RBM20: variants seen among roughly 807,000 people sequenced by gnomAD.
RBM20 encodes the protein RNA-binding protein 20.
Under a neutral mutation model 110.1 loss-of-function variants are expected in RBM20, and 51 were observed. The ratio of observed to expected loss-of-function variants is 0.46; its 90% confidence interval spans 0.37 to 0.59. The LOEUF is 0.59. RBM20 is among the 20% of genes least tolerant of loss of function. The pLI, the probability that RBM20 is intolerant of heterozygous loss-of-function variation, is 0.00. For synonymous variants in RBM20, 589 were observed against 618.2 expected, an observed-to-expected ratio of 0.95 and a Z score of 0.70; for missense variants, 1,512 against 1,574.9, an observed-to-expected ratio of 0.96 and a Z score of 0.68.
chr10:110,709,363 C>T (rs1276123837), intron 1 of RBM20, among the ~76,000 whole-genome samples: 1 of 152,114 alleles, frequency 6.6e-6, no homozygotes, highest in Non-Finnish European at 1.5e-5. Flanking sequence ...CGCAGGCATG[C>T]TGGGAACACT....
In RBM20 at chr10:110,831,674, A is replaced by AC. The variant is rs1163885615; in HGVS notation, c.3573+492_3573+493insC. ...ATCCCTGCTTGCTAGAATAAAAAAA[A>AC]AAAAAAAAAAAAAAAAACACTGCTT... On this transcript the variant is annotated intron_variant, in intron 13 of 13. Transcript: ENST00000369519. Among the ~76,000 whole-genome samples the AC allele has an allele frequency of 1.4e-3, 190 of 138,626 alleles. 2 individuals carry two copies. The highest frequency in any genetic ancestry group is 4.5e-3 in the African/African-American group (175 of 39,254). 90.9% of individuals were successfully genotyped at this position (138,626 alleles called of 152,430 possible).
intron 1 of RBM20, among the ~76,000 whole-genome samples, chr10:110,737,188 A>AAAAAAAAAAAAAAAAAAAAAAAAAC: frequency 7.1e-6 from 1 of 141,074 alleles, no homozygotes; most frequent in Non-Finnish European, 1.5e-5. Context: ...AAAAAAAAAA[A>AAAAAAAAAAAAAAAAAAAAAAAAAC]AAAAAAAAAC....
At chr10:110,784,258 C>T in intron 3 of RBM20, 83 bp from the exon 4 acceptor site, 2 of 1,018,576 alleles carry the variant, frequency 2.0e-6, no homozygotes, top group Non-Finnish European at 3.0e-6. Flanking sequence ...GGGGTCTGCA[C>T]CTACGAGTGG....
intron 1 of RBM20, among the ~76,000 whole-genome samples, chr10:110,692,137 A>T (rs1444949291): frequency 6.6e-6 from 1 of 152,044 alleles, no homozygotes; most frequent in Non-Finnish European, 1.5e-5. Context: ...GTCTGTCCTT[A>T]TGCCAGTACC....
At chr10:110,730,864 C>G (rs1843613584) in intron 1 of RBM20, among the ~76,000 whole-genome samples, 2 of 152,164 alleles carry the variant, frequency 1.3e-5, no homozygotes, top group Non-Finnish European at 2.9e-5. Context: ...GGGAGGCATC[C>G]TTCCTGGTTT....
chr10:110,836,485 A>C lies in RBM20; in HGVS notation c.*507A>C, dbSNP rs1845132000. ...GCCTGGTGTCCCATGTATCCCCTGC[A>C]TGAGGAGCTGAGTCAGGTCTGCAGT... On this transcript the variant is annotated 3_prime_UTR_variant, in exon 14 of 14. Transcript: ENST00000369519. 1 of 152,238 alleles carries C rather than the reference A, an allele frequency of 6.6e-6. No homozygotes were observed. Among genetic ancestry groups the C allele is most frequent in the South Asian group, 2.1e-4 (1 of 4,830 alleles). The allele number at this position is 152,238 out of a possible 1,614,324, so 9.4% of individuals were successfully genotyped here.
intron 1 of RBM20, among the ~76,000 whole-genome samples, chr10:110,777,729 A>G (rs969058973): frequency 6.6e-6 from 1 of 152,224 alleles, no homozygotes; most frequent in Non-Finnish European, 1.5e-5. Flanking sequence ...GTGTCCTTTC[A>G]GTGGCAAAGG....
intron 1 of RBM20, among the ~76,000 whole-genome samples, chr10:110,714,299 G>A (rs1862984276): frequency 1.3e-5 from 2 of 152,196 alleles, no homozygotes; most frequent in Admixed American, 6.5e-5. Context: ...GGAGGTCAAT[G>A]AAAAGGTTGT....
intron 1 of RBM20, among the ~76,000 whole-genome samples, chr10:110,649,832 G>GT (rs1861921342): frequency 6.6e-6 from 1 of 152,168 alleles, no homozygotes; most frequent in Non-Finnish European, 1.5e-5. Context: ...TTCCCTTTCT[G>GT]TTTAAAGAAC....
At chr10:110,801,896 C>T (rs1223791387) in intron 7 of RBM20, among the ~76,000 whole-genome samples, 1 of 152,054 alleles carries the variant, frequency 6.6e-6, no homozygotes, top group East Asian at 1.9e-4. Context: ...GGAGATTGAG[C>T]ACTTTTTCAT....
At chr10:110,825,045 C>CT (rs11370585) in intron 12 of RBM20, among the ~76,000 whole-genome samples, 75,054 of 149,604 alleles carry the variant, frequency 0.5, 18,955 homozygotes, top group East Asian at 0.62. Context: ...AGCAAACTTC[C>CT]TTTTTTTTTT....
chr10:110,773,112 T>A (rs1285724570), intron 1 of RBM20, among the ~76,000 whole-genome samples: 2 of 152,260 alleles, frequency 1.3e-5, no homozygotes, highest in Non-Finnish European at 2.9e-5. Context: ...TGCGCTATTC[T>A]CAGTCTTCAG....
intron 1 of RBM20, among the ~76,000 whole-genome samples, chr10:110,719,927 G>C (rs369245092): frequency 8.8e-4 from 133 of 151,946 alleles, no homozygotes; most frequent in African/African-American, 3.2e-3. Flanking sequence ...GGCTCTGGAG[G>C]CTGGGGCATC....
upstream of RBM20, among the ~76,000 whole-genome samples, chr10:110,643,969 C>T (rs1861825507): frequency 6.6e-6 from 1 of 152,186 alleles, no homozygotes; most frequent in Admixed American, 6.5e-5. Context: ...GCACCGTCCC[C>T]AGGGACAGCC....
At chr10:110,651,020 T>A (rs1233282425) in intron 1 of RBM20, among the ~76,000 whole-genome samples, 1 of 152,218 alleles carries the variant, frequency 6.6e-6, no homozygotes, top group East Asian at 1.9e-4. Context: ...AGGAAAAAAC[T>A]CTGGACTGGG....
At chr10:110,784,027 T>A (rs1382425581) in intron 3 of RBM20, among the ~76,000 whole-genome samples, 1 of 152,258 alleles carries the variant, frequency 6.6e-6, no homozygotes, top group Non-Finnish European at 1.5e-5. Context: ...TTTTCTTTTT[T>A]ACTTAGCATA....
chr10:110,783,089 AG>A (rs1012513808), intron 2 of RBM20, among the ~76,000 whole-genome samples: 4 of 152,112 alleles, frequency 2.6e-5, no homozygotes, highest in African/African-American at 9.6e-5. Flanking sequence ...GTCCATTGAG[AG>A]GGGTAGAGGG....
At chr10:110,726,500 C>A (rs1843561826) in intron 1 of RBM20, among the ~76,000 whole-genome samples, 1 of 152,132 alleles carries the variant, frequency 6.6e-6, no homozygotes, top group African/African-American at 2.4e-5. Flanking sequence ...GGTGATTAAC[C>A]CCAGTTCCTC....
intron 1 of RBM20, among the ~76,000 whole-genome samples, chr10:110,658,323 G>T (rs552092790): frequency 1.3e-5 from 2 of 152,144 alleles, no homozygotes; most frequent in Admixed American, 1.3e-4. Context: ...AACAGTGCTG[G>T]GGGGTGAGTG....
Sources: allele counts gnomAD v4.1 joint callset (sites outside exome capture counted in the v4.1 genomes callset), GRCh38; gene constraint gnomAD v4.1.1; transcripts MANE v1.5; gene names NCBI Gene and HGNC (gene_info 2026-07-23, HGNC 2026-07-21).